CDH18: variants seen among roughly 807,000 people sequenced by gnomAD.
The protein encoded by CDH18 is cadherin-18.
Under a neutral mutation model 67.9 loss-of-function variants are expected in CDH18, and 31 were observed. The observed-to-expected ratio is 0.46, with a 90% CI of 0.34 to 0.62. The LOEUF is 0.62. CDH18 is among the 20% of genes least tolerant of loss of function. The probability of loss-of-function intolerance (pLI) is 0.01; values close to 1 mark genes in which losing one functional copy is unlikely to be tolerated. For missense variants in CDH18, 890 were observed against 975.5 expected (o/e 0.91, Z 1.17); for synonymous variants, 362 against 347.2 (o/e 1.04, Z -0.48).
intron 5 of CDH18, among the ~76,000 whole-genome samples, chr5:19,682,004 C>G (rs1760409472): frequency 6.6e-6 from 1 of 151,982 alleles, no homozygotes; most frequent in African/African-American, 2.4e-5. Flanking sequence ...CTGAGTAGTT[C>G]TTTAAGATTG....
chr5:19,505,119 C>T (rs1260975294), intron 10 of CDH18, among the ~76,000 whole-genome samples: 5 of 152,056 alleles, frequency 3.3e-5, no homozygotes, highest in East Asian at 3.9e-4. Flanking sequence ...ATATGACAAT[C>T]GTGTTTTTTT....
chr5:20,547,559 A>AG (rs1404320242), intron 1 of CDH18, among the ~76,000 whole-genome samples: 1 of 115,804 alleles, frequency 8.6e-6, no homozygotes, highest in Non-Finnish European at 2.0e-5. Context: ...AGACTCTGTC[A>AG]GAAAAAAAAA....
At chr5:20,463,546 T>C (rs1751419323) in intron 1 of CDH18, among the ~76,000 whole-genome samples, 1 of 151,960 alleles carries the variant, frequency 6.6e-6, no homozygotes, top group Non-Finnish European at 1.5e-5. Flanking sequence ...GCAGGAGAAA[T>C]GCCAGACACT....
At chr5:19,954,342 T>C (rs759542771) in intron 2 of CDH18, among the ~76,000 whole-genome samples, 39 of 152,082 alleles carry the variant, frequency 2.6e-4, no homozygotes, top group Admixed American at 2.6e-4. Flanking sequence ...ATTAATACTG[T>C]GAATAAAAGA....
chr5:19,912,318 A>G (rs1791241730), intron 2 of CDH18, among the ~76,000 whole-genome samples: 4 of 152,180 alleles, frequency 2.6e-5, no homozygotes, highest in Admixed American at 1.3e-4. Context: ...AAATGAATAC[A>G]TCAGGTACTG....
At chr5:20,356,448 A>T (rs954090045) in intron 1 of CDH18, among the ~76,000 whole-genome samples, 2 of 152,180 alleles carry the variant, frequency 1.3e-5, no homozygotes, top group Non-Finnish European at 2.9e-5. Context: ...TCAAATGCAC[A>T]TGGAAGAAAA....
chr5:19,856,705 A>C (rs1330897286), intron 2 of CDH18, among the ~76,000 whole-genome samples: 1 of 35,308 alleles, frequency 2.8e-5, no homozygotes, highest in African/African-American at 8.8e-5. Context: ...AAGAGGCAGC[A>C]AAAAAAAAAA....
At position 20,471,667 on chromosome 5, in the gene CDH18, T is replaced by C. The variant is rs546113788; in HGVS notation, c.-580+103795A>G. 8.0e-3 allele frequency among the ~76,000 whole-genome samples: 1,214 copies of C among 151,052 alleles called. 9 individuals carry two copies. Among genetic ancestry groups the C allele is most frequent in the Non-Finnish European group, 0.013 (852 of 67,778 alleles). Reference sequence around the variant, plus strand: ...ATACAAAAAAATTAGCTGGGTATGGTGGCACATTCCTGTAATCCCAGCTAC... The same window carrying C: ...ATACAAAAAAATTAGCTGGGTATGGCGGCACATTCCTGTAATCCCAGCTAC... On this transcript the variant is annotated intron_variant, in intron 1 of 14. Transcript: ENST00000507958.
chr5:20,544,945 G>C (rs2126602114), intron 1 of CDH18, among the ~76,000 whole-genome samples: 1 of 152,228 alleles, frequency 6.6e-6, no homozygotes, highest in East Asian at 1.9e-4. Flanking sequence ...TAAGTAAAAA[G>C]CAAGTCAATT....
intron 5 of CDH18, among the ~76,000 whole-genome samples, chr5:19,713,488 C>A (rs1017519415): frequency 6.6e-6 from 1 of 151,964 alleles, no homozygotes; most frequent in African/African-American, 2.4e-5. Context: ...AGGGCTACAA[C>A]GAATAGTTTG....
At chr5:19,721,523 T>C in intron 4 of CDH18, 57 bp from the exon 5 acceptor site, 2 of 1,542,412 alleles carry the variant, frequency 1.3e-6, no homozygotes, top group Non-Finnish European at 1.8e-6. Context: ...TATGATTAAT[T>C]TGAACACAGA....
At chr5:20,228,271 C>T (rs1337388406) in intron 2 of CDH18, among the ~76,000 whole-genome samples, 1 of 151,974 alleles carries the variant, frequency 6.6e-6, no homozygotes, top group Non-Finnish European at 1.5e-5. Flanking sequence ...TTTTTCTCCT[C>T]AAGCTAGAAG....
intron 2 of CDH18, among the ~76,000 whole-genome samples, chr5:20,151,337 G>T (rs1239738127): frequency 6.6e-6 from 1 of 152,094 alleles, no homozygotes; most frequent in Non-Finnish European, 1.5e-5. Flanking sequence ...TTTTATGGCT[G>T]CATGGTATTC....
chr5:20,347,522 A>G (rs1037468814), intron 1 of CDH18, among the ~76,000 whole-genome samples: 1 of 152,228 alleles, frequency 6.6e-6, no homozygotes, highest in Non-Finnish European at 1.5e-5. Context: ...ATGAACAACC[A>G]TGGACAGCAC....
At position 20,436,731 on chromosome 5, in the gene CDH18, G is replaced by A. The variant is rs755167117; in HGVS notation, c.-580+138731C>T. ...CAAAATTCACATGAAATTTTTTTGC[G>A]AATTAACTTTAGGGCTGTAAAATAT... On this transcript the variant is annotated intron_variant, in intron 1 of 14. Transcript: ENST00000507958. Among the ~76,000 whole-genome samples the A allele has an allele frequency of 4.7e-5, 7 of 149,300 alleles. 1 individual carries two copies. Among genetic ancestry groups the A allele is most frequent in the South Asian group, 4.2e-4 (2 of 4,760 alleles).
At chr5:19,860,315 G>A (rs1196761116) in intron 2 of CDH18, among the ~76,000 whole-genome samples, 4 of 151,774 alleles carry the variant, frequency 2.6e-5, no homozygotes, top group Non-Finnish European at 5.9e-5. Context: ...ATTTGCTTAT[G>A]TTTTATCCTT....
At position 19,612,566 on chromosome 5, in the gene CDH18, C is replaced by A; in HGVS notation, c.679G>T (p.Glu227Ter). 1 of 1,613,904 alleles carries A rather than the reference C, an allele frequency of 6.2e-7. No individual in the cohort carries two copies. Among genetic ancestry groups the A allele is most frequent in the Non-Finnish European group, 8.5e-7 (1 of 1,179,886 alleles). ...ACTACGGAGTAATGTTCTCTGGCTT[C>A]TCTGTCCATGTTATGTAAGGCCGTT... is the stretch of plus-strand genomic sequence containing the variant. ...IRTALHNMDR[E>*]AREHYSVVIQ... The change falls in exon 6 of 13, where the codon GAA becomes TAA. Residue 227 changes from glutamate (E) to a stop codon, truncating the protein, a stop_gained. Coordinates refer to ENST00000382275, the MANE Select transcript of CDH18 (RefSeq NM_004934.5). LOFTEE classifies it high-confidence loss of function.
At chr5:20,562,843 A>C (rs970116654) in intron 1 of CDH18, among the ~76,000 whole-genome samples, 2 of 151,974 alleles carry the variant, frequency 1.3e-5, no homozygotes, top group Non-Finnish European at 2.9e-5. Flanking sequence ...TAGCACTTCT[A>C]CATCTTTAAC....
At chr5:19,590,445 C>T (rs955228639) in intron 7 of CDH18, among the ~76,000 whole-genome samples, 2 of 150,262 alleles carry the variant, frequency 1.3e-5, no homozygotes, top group African/African-American at 4.9e-5. Context: ...TCATACAATC[C>T]AAATAGAAAA....
Sources: allele counts gnomAD v4.1 joint callset (sites outside exome capture counted in the v4.1 genomes callset), GRCh38; gene constraint gnomAD v4.1.1; transcripts MANE v1.5; gene names NCBI Gene and HGNC (gene_info 2026-07-23, HGNC 2026-07-21).